Variants in ENTREP2 observed in about 807,000 individuals in gnomAD.
ENTREP2 encodes the protein protein ENTREP2.
chr15:29,485,290 C>T, the ENTREP2 span, among the ~76,000 whole-genome samples: 2 of 152,178 alleles, frequency 1.3e-5, no homozygotes, highest in Non-Finnish European at 2.9e-5. Flanking sequence ...TCCAGCTCCA[C>T]AGTGCAGGAC....
the ENTREP2 span, chr15:29,126,311 G>A: frequency 2.0e-6 from 3 of 1,509,564 alleles, no homozygotes; most frequent in Non-Finnish European, 2.7e-6. Context: ...GGTGGAGCGG[G>A]ACACACGCCC....
chr15:29,196,533 C>G, the ENTREP2 span: 1 of 1,551,640 alleles, frequency 6.4e-7, no homozygotes, highest in Non-Finnish European at 8.7e-7. Flanking sequence ...CAGCTCACAG[C>G]AGACACACAC....
the ENTREP2 span, among the ~76,000 whole-genome samples, chr15:29,599,020 G>A: frequency 1.1e-4 from 17 of 152,242 alleles, no homozygotes; most frequent in African/African-American, 4.1e-4. Context: ...TCTTGACCCA[G>A]TCCAAGGGTA....
chr15:29,158,360 T>A, the ENTREP2 span, among the ~76,000 whole-genome samples: 1 of 151,992 alleles, frequency 6.6e-6, no homozygotes, highest in Non-Finnish European at 1.5e-5. Flanking sequence ...TGCGTTTATG[T>A]GTTTCTTCAG....
the ENTREP2 span, among the ~76,000 whole-genome samples, chr15:29,201,390 A>G: frequency 6.6e-5 from 10 of 152,282 alleles, no homozygotes; most frequent in South Asian, 1.9e-3. Context: ...GTCTCCATTA[A>G]GTGTGTTAGC....
chr15:29,221,032 G>C, the ENTREP2 span, among the ~76,000 whole-genome samples: 3 of 152,082 alleles, frequency 2.0e-5, no homozygotes, highest in Non-Finnish European at 4.4e-5. Flanking sequence ...GAATAAATCT[G>C]AGGACTGTGG....
At chr15:29,195,061 G>C in the ENTREP2 span, 1 of 948,944 alleles carries the variant, frequency 1.1e-6, no homozygotes, top group Non-Finnish European at 1.3e-6. Context: ...CAGGCTCCAG[G>C]ATGCAGTGAG....
chr15:29,249,964 A>C, the ENTREP2 span, among the ~76,000 whole-genome samples: 2 of 151,850 alleles, frequency 1.3e-5, no homozygotes, highest in African/African-American at 4.8e-5. Context: ...GTGAGAACTC[A>C]CTCCCTCACT....
chr15:29,535,195 G>A, the ENTREP2 span, among the ~76,000 whole-genome samples: 174 of 152,120 alleles, frequency 1.1e-3, 2 homozygotes, highest in Non-Finnish European at 5.0e-4. Context: ...GGCTGCAGTG[G>A]GCTATGACTG....
chr15:29,141,850 G>A, the ENTREP2 span, among the ~76,000 whole-genome samples: 1 of 152,206 alleles, frequency 6.6e-6, no homozygotes, highest in African/African-American at 2.4e-5. Context: ...GGGAGAGCCC[G>A]CCCTGCGGCC....
chr15:29,627,225 C>T, the ENTREP2 span, among the ~76,000 whole-genome samples: 1 of 152,110 alleles, frequency 6.6e-6, no homozygotes, highest in Non-Finnish European at 1.5e-5. Flanking sequence ...TTAAAGTATA[C>T]AATTCAGTGG....
At chr15:29,638,510 G>T in the ENTREP2 span, among the ~76,000 whole-genome samples, 2 of 152,226 alleles carry the variant, frequency 1.3e-5, no homozygotes, top group African/African-American at 2.4e-5. Context: ...AGCTTATTCA[G>T]TCACATTGTG....
At chr15:29,432,239 A>G in the ENTREP2 span, among the ~76,000 whole-genome samples, 1 of 152,192 alleles carries the variant, frequency 6.6e-6, no homozygotes, top group Non-Finnish European at 1.5e-5. Flanking sequence ...TGCAATTCAA[A>G]TAAATCCCAC....
At chr15:29,377,129 A>C in the ENTREP2 span, among the ~76,000 whole-genome samples, 6 of 151,880 alleles carry the variant, frequency 4.0e-5, no homozygotes, top group East Asian at 1.9e-4. Flanking sequence ...AGAAAAAAAA[A>C]CAAATCATTA....
chr15:29,614,808 G>C, the ENTREP2 span, among the ~76,000 whole-genome samples: 1 of 152,320 alleles, frequency 6.6e-6, no homozygotes, highest in East Asian at 1.9e-4. Context: ...AGTCATCCCA[G>C]CACTTTGAGA....
chr15:29,497,411 A>G, the ENTREP2 span, among the ~76,000 whole-genome samples: 6 of 152,304 alleles, frequency 3.9e-5, no homozygotes, highest in East Asian at 5.8e-4. Flanking sequence ...TTTCTTTGAT[A>G]GAAAGATTTT....
chr15:29,644,624 G>A, the ENTREP2 span, among the ~76,000 whole-genome samples: 7 of 151,872 alleles, frequency 4.6e-5, no homozygotes, highest in East Asian at 1.2e-3. Context: ...GCAACATGGT[G>A]AAACCCCGTC....
chr15:29,570,524 G>T, the ENTREP2 span: 1 of 1,445,368 alleles, frequency 6.9e-7, no homozygotes. Context: ...TGCCCAGAAG[G>T]GGCAGGAGTG....
chr15:29,558,572 T>C, the ENTREP2 span, among the ~76,000 whole-genome samples: 2 of 140,948 alleles, frequency 1.4e-5, no homozygotes, highest in African/African-American at 2.7e-5. Context: ...CAATCTCCAA[T>C]CTACGGCTGA....
Sources: gnomAD v4.1 joint callset for allele counts (sites outside exome capture counted in the v4.1 genomes callset) on GRCh38, gnomAD v4.1.1 for gene constraint, MANE v1.5 for transcripts, NCBI Gene and HGNC (gene_info 2026-07-23, HGNC 2026-07-21) for gene names.